Variants in LSM14A observed in about 807,000 individuals in gnomAD.
The protein encoded by LSM14A is protein LSM14 homolog A.
A neutral mutation model predicts 52.4 loss-of-function variants in LSM14A; 14 were observed. The ratio of observed to expected loss-of-function variants is 0.27; its 90% CI spans 0.18 to 0.42. The LOEUF (loss-of-function observed/expected upper bound fraction) is 0.42, where lower values mean the gene tolerates loss of function less well. Among genes scored for constraint, LSM14A ranks in the 10% least tolerant of loss-of-function variants. The probability of loss-of-function intolerance (pLI) is 1.00; values close to 1 mark genes in which losing one functional copy is unlikely to be tolerated. For synonymous variants in LSM14A, 185 were observed against 200.3 expected, an observed-to-expected ratio of 0.92 and a Z score of 0.64; for missense variants, 417 against 581.8, an observed-to-expected ratio of 0.72 and a Z score of 2.91.
At chr19:34,173,085 C>A (rs749179903) in intron 1 of LSM14A, among the ~76,000 whole-genome samples, 1 of 152,252 alleles carries the variant, frequency 6.6e-6, no homozygotes. Flanking sequence ...GGGCTTCTGC[C>A]GTCTTAGCAC....
At chr19:34,201,900 C>T (rs571024544) in intron 3 of LSM14A, among the ~76,000 whole-genome samples, 1 of 152,198 alleles carries the variant, frequency 6.6e-6, no homozygotes, top group East Asian at 1.9e-4. Context: ...CAGGTCGCTG[C>T]AGCCTAGACC....
intron 4 of LSM14A, among the ~76,000 whole-genome samples, chr19:34,211,118 C>T (rs913106984): frequency 6.6e-6 from 1 of 151,544 alleles, no homozygotes; most frequent in Non-Finnish European, 1.5e-5. Flanking sequence ...GCCTGGCCAA[C>T]CAACATGGTG....
Position 34,227,678 on chromosome 19 carries a change from C to A in LSM14A, c.*290C>A. On this transcript the variant is annotated 3_prime_UTR_variant, in exon 10 of 10. Coordinates refer to ENST00000544216, the MANE Select transcript of LSM14A (RefSeq NM_015578.4). ...AAAGCAGTACTTCAGTGGGACTTAA[C>A]AAGTATTTTTTCATCACTGAAAGGT... 5 of 317,126 alleles carry A rather than the reference C, an allele frequency of 1.6e-5. No homozygotes were observed. Among genetic ancestry groups the A allele is most frequent in the East Asian group, 5.4e-5 (1 of 18,664 alleles). 19.6% of individuals were successfully genotyped at this position (317,126 alleles called of 1,614,324 possible). A position where few individuals can be genotyped will look rare whatever the true frequency, so the allele number is the denominator to read the frequency against.
intron 1 of LSM14A, among the ~76,000 whole-genome samples, chr19:34,192,329 T>TG (rs2070475926): frequency 3.1e-5 from 4 of 128,452 alleles, no homozygotes; most frequent in East Asian, 4.3e-4. Flanking sequence ...GTTTTTTTTT[T>TG]TTTTTTTTTT....
In LSM14A at chr19:34,228,178, C is replaced by T. The variant is rs1026307870; in HGVS notation, c.*790C>T. 1 of 152,452 alleles carries T rather than the reference C, an allele frequency of 6.6e-6. No homozygotes were observed. The highest frequency in any genetic ancestry group is 6.6e-5 in the Admixed American group (1 of 15,244). 9.4% of individuals were successfully genotyped at this position (152,452 alleles called of 1,614,324 possible). On this transcript the variant is annotated 3_prime_UTR_variant, in exon 10 of 10. Transcript: ENST00000544216. ...TTTTTTCTTAGTTTTCCAGGCTTAA[C>T]ATTTTTGATTTTGTTTTTTAATGTT... is the stretch of plus-strand genomic sequence containing the variant.
At chr19:34,192,319 G>GTTTTTTTTTTTTTTGTTTTTTTTT (rs2070459159) in intron 1 of LSM14A, among the ~76,000 whole-genome samples, 1 of 53,410 alleles carries the variant, frequency 1.9e-5, no homozygotes, top group African/African-American at 8.1e-5. Context: ...TCTTTTTGTT[G>GTTTTTTTTTTTTTTGTTTTTTTTT]TTTTTTTTTT....
chr19:34,191,184 T>C (rs1002136895), intron 1 of LSM14A, among the ~76,000 whole-genome samples: 1 of 152,220 alleles, frequency 6.6e-6, no homozygotes, highest in Non-Finnish European at 1.5e-5. Flanking sequence ...GTTTTATTTA[T>C]CTTGTGTAAT....
chr19:34,196,216 ATAG>A (rs2070825511), intron 2 of LSM14A, among the ~76,000 whole-genome samples: 1 of 152,194 alleles, frequency 6.6e-6, no homozygotes. Context: ...TGTGAATTTA[ATAG>A]TAGGCCTCAA....
intron 6 of LSM14A, among the ~76,000 whole-genome samples, chr19:34,217,617 G>C (rs945358152): frequency 1.1e-3 from 40 of 36,662 alleles, no homozygotes; most frequent in East Asian, 2.5e-3. Context: ...CCCCCCCCCC[G>C]TGTTTTTTTT....
At chr19:34,209,190 G>T in intron 4 of LSM14A, 139 bp downstream of exon 4, 1 of 609,866 alleles carries the variant, frequency 1.6e-6, no homozygotes, top group Non-Finnish European at 2.7e-6. Context: ...TCTCCAAATC[G>T]CTGTATTGCA....
rs626467 is a variant in LSM14A, at chr19:34,221,272, T to G, written c.1137-235T>G. 3 of 498,094 alleles carry G rather than the reference T, an allele frequency of 6.0e-6. No individual in the cohort carries two copies. In the South Asian group the frequency reaches 9.6e-5, roughly 16 times the overall value. 30.9% of individuals were successfully genotyped at this position (498,094 alleles called of 1,614,324 possible). ...TATTTTTTGTATTTTTGGTAGAGAA[T>G]GAGTTTCACCATTTTGGCCAGGCTA... On this transcript the variant is annotated intron_variant, in intron 8 of 9. Transcript: ENST00000544216.
At chr19:34,192,319 G>GTTTTTTTTTTGTTTTT (rs2070457878) in intron 1 of LSM14A, among the ~76,000 whole-genome samples, 2 of 53,410 alleles carry the variant, frequency 3.7e-5, no homozygotes, top group South Asian at 6.5e-4. Flanking sequence ...TCTTTTTGTT[G>GTTTTTTTTTTGTTTTT]TTTTTTTTTT....
Position 34,194,600 on chromosome 19 carries a change from A to C in LSM14A, c.244A>C (p.Lys82Gln). The change falls in exon 2 of 10, where the codon AAA becomes CAA. Residue 82 changes from lysine (K) to glutamine (Q), a missense_variant. Physicochemically the swap from Lys to Gln is moderately conservative, Grantham distance 53 (BLOSUM62 1). Transcript: ENST00000544216. ...AGACCTTACTGTTTGTGAGCCACCA[A>C]AACCACAGTGTTCTTTGCCTCAAGA... ...IKDLTVCEPP[K>Q]PQCSLPQDPA... The C allele has an allele frequency of 6.2e-7, 1 of 1,614,190 alleles. No individual in the cohort carries two copies. The highest frequency in any genetic ancestry group is 8.5e-7 in the Non-Finnish European group (1 of 1,180,038).
intron 2 of LSM14A, 69 bp downstream of exon 2, chr19:34,194,710 C>G (rs1426438497): frequency 2.1e-5 from 30 of 1,425,866 alleles, no homozygotes; most frequent in Non-Finnish European, 2.9e-5. Flanking sequence ...GCTTTTTTCT[C>G]TCTAGTTGAA....
intron 6 of LSM14A, 29 bp downstream of exon 6, chr19:34,215,690 C>G (rs1471112254): frequency 7.0e-7 from 1 of 1,425,934 alleles, no homozygotes; most frequent in Non-Finnish European, 9.9e-7. Context: ...AAGTCATATT[C>G]TATGCTTCTC....
chr19:34,200,718 G>A (rs1001620204), intron 3 of LSM14A, among the ~76,000 whole-genome samples: 2 of 152,144 alleles, frequency 1.3e-5, no homozygotes, highest in African/African-American at 4.8e-5. Flanking sequence ...GTGAAATAGT[G>A]TAACTTTGGT....
chr19:34,187,321 G>T (rs534609704), intron 1 of LSM14A, among the ~76,000 whole-genome samples: 1 of 150,710 alleles, frequency 6.6e-6, no homozygotes, highest in African/African-American at 2.4e-5. Context: ...CTCTGTTGCT[G>T]AGGCTGTAGT....
At chr19:34,214,352 C>T (rs1186834335) in intron 4 of LSM14A, among the ~76,000 whole-genome samples, 1 of 151,690 alleles carries the variant, frequency 6.6e-6, no homozygotes, top group African/African-American at 2.4e-5. Flanking sequence ...TGCTCTGTCA[C>T]CTAGGCTAGA....
intron 9 of LSM14A, among the ~76,000 whole-genome samples, chr19:34,225,438 A>G (rs145747328): frequency 3.8e-4 from 58 of 152,258 alleles, no homozygotes; most frequent in African/African-American, 1.4e-3. Context: ...AACATCTAAC[A>G]CTTCCTCCCA....
Sources: allele counts gnomAD v4.1 joint callset (sites outside exome capture counted in the v4.1 genomes callset), GRCh38; gene constraint gnomAD v4.1.1; transcripts MANE v1.5; gene names NCBI Gene and HGNC (gene_info 2026-07-23, HGNC 2026-07-21).